The following VEPH1 variants were observed in gnomAD, a reference collection of about 807,000 sequenced individuals.
VEPH1 encodes the protein ventricular zone expressed PH domain containing 1, also known as ventricular zone-expressed PH domain-containing protein homolog 1.
In VEPH1, 80 loss-of-function variants were observed where a neutral mutation model predicts 85.2. That is an observed-to-expected ratio of 0.94 (90% CI 0.78 to 1.13). The LOEUF (loss-of-function observed/expected upper bound fraction) is 1.13. VEPH1 is among the 50% of genes most tolerant of loss of function. VEPH1 has a pLI of 0.00. For synonymous variants in VEPH1, 297 were observed against 348.0 expected (o/e 0.85, Z 1.63); for missense variants, 955 against 980.5 (o/e 0.97, Z 0.35).
Position 157,413,565 on chromosome 3 carries a change from C to T in VEPH1, c.906+316G>A, listed in dbSNP as rs1731680564. ...CTTTCAGTGCTCTCTCCATTTTAACCCTCCTTCTTCAGGTGACACAGCAGC... is the reference window on the plus strand; with the variant it reads ...CTTTCAGTGCTCTCTCCATTTTAACTCTCCTTCTTCAGGTGACACAGCAGC... On this transcript the variant is annotated intron_variant, in intron 6 of 13. Transcript: ENST00000362010. The T allele has an allele frequency of 3.0e-6, 3 of 985,320 alleles. No individual in the cohort carries two copies. The African/African-American group carries it at 5.2e-5, about 17-fold the overall frequency. 61.0% of individuals were successfully genotyped at this position (985,320 alleles called of 1,614,324 possible). A position where few individuals can be genotyped will look rare whatever the true frequency, so the allele number is the denominator to read the frequency against.
At chr3:157,306,784 G>C (rs1303604684) in intron 11 of VEPH1, among the ~76,000 whole-genome samples, 3 of 152,004 alleles carry the variant, frequency 2.0e-5, no homozygotes, top group Admixed American at 6.6e-5. Flanking sequence ...TTACATGGAT[G>C]AATGAAGTCT....
intron 6 of VEPH1, among the ~76,000 whole-genome samples, chr3:157,386,417 G>A (rs575548347): frequency 7.2e-5 from 11 of 152,068 alleles, no homozygotes; most frequent in Non-Finnish European, 1.6e-4. Context: ...AAGAAGATGT[G>A]TACTCAGGAT....
At chr3:157,409,470 T>C (rs1208180563) in intron 6 of VEPH1, among the ~76,000 whole-genome samples, 5 of 152,288 alleles carry the variant, frequency 3.3e-5, no homozygotes, top group African/African-American at 1.2e-4. Context: ...GAGTCATTCA[T>C]GGCCTCCACA....
At chr3:157,313,259 A>G (rs1262273132) in intron 11 of VEPH1, among the ~76,000 whole-genome samples, 1 of 151,810 alleles carries the variant, frequency 6.6e-6, no homozygotes, top group Non-Finnish European at 1.5e-5. Flanking sequence ...ATCTGGAACT[A>G]CTGGCCTCAT....
chr3:157,280,609 A>AT (rs1312470268), intron 12 of VEPH1, among the ~76,000 whole-genome samples: 2 of 152,226 alleles, frequency 1.3e-5, no homozygotes, highest in African/African-American at 2.4e-5. Flanking sequence ...ATATTGTAAC[A>AT]TTTTAGCATA....
intron 12 of VEPH1, among the ~76,000 whole-genome samples, chr3:157,268,340 G>T (rs1323613265): frequency 6.6e-6 from 1 of 152,104 alleles, no homozygotes; most frequent in Non-Finnish European, 1.5e-5. Context: ...GTCACAAAGG[G>T]TGCAGCAGAC....
intron 7 of VEPH1, among the ~76,000 whole-genome samples, chr3:157,372,835 A>G (rs1278014857): frequency 1.9e-4 from 29 of 152,246 alleles, no homozygotes; most frequent in Admixed American, 1.8e-3. Flanking sequence ...GTACTTGGAT[A>G]TTACAGCAAT....
At chr3:157,346,631 A>G (rs1724255257) in intron 9 of VEPH1, among the ~76,000 whole-genome samples, 1 of 152,148 alleles carries the variant, frequency 6.6e-6, no homozygotes, top group African/African-American at 2.4e-5. Flanking sequence ...CTTTTGAGAC[A>G]AGATCTCACT....
At chr3:157,392,739 G>A (rs1729983280) in intron 6 of VEPH1, among the ~76,000 whole-genome samples, 3 of 152,182 alleles carry the variant, frequency 2.0e-5, no homozygotes, top group South Asian at 4.1e-4. Context: ...GGACAAGCTT[G>A]GTCTAAATGG....
intron 5 of VEPH1, among the ~76,000 whole-genome samples, chr3:157,427,015 T>G (rs1328581353): frequency 6.7e-6 from 1 of 149,914 alleles, no homozygotes. Context: ...TGAGATAGAG[T>G]CTTGCTCTGT....
intron 9 of VEPH1, among the ~76,000 whole-genome samples, chr3:157,352,116 C>T (rs560959089): frequency 5.3e-5 from 8 of 152,346 alleles, no homozygotes; most frequent in Admixed American, 2.0e-4. Context: ...CCTACTCCCA[C>T]CAGCACTTAG....
chr3:157,325,229 C>T (rs1721766221), intron 9 of VEPH1, among the ~76,000 whole-genome samples: 1 of 151,628 alleles, frequency 6.6e-6, no homozygotes, highest in South Asian at 2.1e-4. Context: ...TTTGTAGAGG[C>T]TGAATATTAG....
intron 2 of VEPH1, among the ~76,000 whole-genome samples, chr3:157,488,503 C>CTTT (rs368748738): frequency 6.7e-5 from 9 of 134,210 alleles, no homozygotes; most frequent in African/African-American, 1.1e-4. Context: ...TTCTTTCTTT[C>CTTT]TTTCTTTTTT....
chr3:157,320,485 T>C (rs1721234996), intron 9 of VEPH1, among the ~76,000 whole-genome samples: 1 of 152,270 alleles, frequency 6.6e-6, no homozygotes, highest in African/African-American at 2.4e-5. Context: ...GTATGTTTAG[T>C]TTATCTCAGT....
chr3:157,408,029 G>A (rs561666393), intron 6 of VEPH1, among the ~76,000 whole-genome samples: 3 of 152,170 alleles, frequency 2.0e-5, no homozygotes, highest in Admixed American at 1.3e-4. Context: ...TGCCCTCATC[G>A]TAAGCAAATC....
intron 12 of VEPH1, among the ~76,000 whole-genome samples, chr3:157,278,768 A>G (rs1715716041): frequency 1.3e-5 from 2 of 152,214 alleles, no homozygotes; most frequent in Non-Finnish European, 2.9e-5. Context: ...GTGGTGGAGA[A>G]GGCAGTGAGT....
Position 157,260,090 on chromosome 3 carries a change from G to A in VEPH1, c.*1044C>T, listed in dbSNP as rs954214716. 2.0e-5 allele frequency: 3 copies of A among 152,114 alleles called. No homozygotes were observed. Among genetic ancestry groups the A allele is most frequent in the African/African-American group, 7.2e-5 (3 of 41,422 alleles). The allele number at this position is 152,114 out of a possible 1,614,324, so 9.4% of individuals were successfully genotyped here. ...AAAGTCAGCTGATTAGAAACCTTATGTATATCTGCAACTTCTCTTCACTTT... is the reference window on the plus strand; with the variant it reads ...AAAGTCAGCTGATTAGAAACCTTATATATATCTGCAACTTCTCTTCACTTT... On this transcript the variant is annotated 3_prime_UTR_variant, in exon 14 of 14. Coordinates refer to ENST00000362010, the MANE Select transcript of VEPH1 (RefSeq NM_001167912.2).
chr3:157,277,847 T>C (rs1373720652), intron 12 of VEPH1, among the ~76,000 whole-genome samples: 1 of 152,242 alleles, frequency 6.6e-6, no homozygotes, highest in Non-Finnish European at 1.5e-5. Flanking sequence ...AAGAATATAT[T>C]TGGCACAAAA....
chr3:157,437,852 G>A (rs1373413001), intron 4 of VEPH1: 3 of 1,497,850 alleles, frequency 2.0e-6, no homozygotes, highest in African/African-American at 1.5e-5. Context: ...GAGGAGCTGC[G>A]GCAGACGCGA....
Sources: allele counts gnomAD v4.1 joint callset (sites outside exome capture counted in the v4.1 genomes callset), GRCh38; gene constraint gnomAD v4.1.1; transcripts MANE v1.5; gene names NCBI Gene and HGNC (gene_info 2026-07-23, HGNC 2026-07-21).